Variants in NKAIN3 observed in about 807,000 individuals in gnomAD.
The protein encoded by NKAIN3 is sodium/potassium transporting ATPase interacting 3.
NKAIN3 carries 25 observed loss-of-function variants against 30.2 expected under a neutral mutation model. That is an observed-to-expected ratio of 0.83 (90% confidence interval 0.60 to 1.16). The LOEUF (loss-of-function observed/expected upper bound fraction) is 1.16. NKAIN3 is among the 50% of genes most tolerant of loss of function. The pLI, the probability that NKAIN3 is intolerant of heterozygous loss-of-function variation, is 0.00. For missense variants in NKAIN3, 225 were observed against 254.1 expected (o/e 0.89, Z 0.78); for synonymous variants, 91 against 89.6 (o/e 1.02, Z -0.09).
intron 3 of NKAIN3, among the ~76,000 whole-genome samples, chr8:62,626,295 G>T (rs1224535508): frequency 6.6e-6 from 1 of 152,116 alleles, no homozygotes; most frequent in African/African-American, 2.4e-5. Flanking sequence ...GGACTTATTT[G>T]TTCCTGACAT....
At chr8:62,725,374 T>C (rs1815221366) in intron 3 of NKAIN3, among the ~76,000 whole-genome samples, 1 of 152,174 alleles carries the variant, frequency 6.6e-6, no homozygotes. Flanking sequence ...CTTTTTAATT[T>C]GATATGATCC....
chr8:62,470,579 A>G (rs1004993200), intron 1 of NKAIN3, among the ~76,000 whole-genome samples: 2 of 152,182 alleles, frequency 1.3e-5, no homozygotes, highest in African/African-American at 4.8e-5. Flanking sequence ...TCACAAACTC[A>G]TGGATTGCAG....
chr8:62,529,720 CA>C (rs1407648451), intron 1 of NKAIN3, among the ~76,000 whole-genome samples: 1 of 152,058 alleles, frequency 6.6e-6, no homozygotes, highest in African/African-American at 2.4e-5. Context: ...CCACCCAGTA[CA>C]TGGTATTCTG....
intron 4 of NKAIN3, among the ~76,000 whole-genome samples, chr8:62,779,939 G>T (rs768616849): frequency 6.6e-6 from 1 of 151,874 alleles, no homozygotes; most frequent in Admixed American, 6.6e-5. Context: ...ACAGAGAAAA[G>T]AAATAATAAA....
intron 1 of NKAIN3, among the ~76,000 whole-genome samples, chr8:62,554,547 T>C (rs530318740): frequency 7.2e-5 from 11 of 152,324 alleles, no homozygotes; most frequent in African/African-American, 2.6e-4. Context: ...TAAGTTATTC[T>C]TTACATGGAT....
chr8:62,586,832 G>C (rs535182835), intron 2 of NKAIN3, among the ~76,000 whole-genome samples: 1 of 151,992 alleles, frequency 6.6e-6, no homozygotes, highest in South Asian at 2.1e-4. Context: ...TGTCTATGTG[G>C]ATCTGGATTT....
At chr8:62,928,372 T>A (rs573589716) in intron 5 of NKAIN3, among the ~76,000 whole-genome samples, 27 of 152,292 alleles carry the variant, frequency 1.8e-4, no homozygotes, top group African/African-American at 5.8e-4. Context: ...GTACAGAAAA[T>A]CTATATTAAA....
At chr8:62,423,977 A>G (rs1211270270) in intron 1 of NKAIN3, among the ~76,000 whole-genome samples, 1 of 151,950 alleles carries the variant, frequency 6.6e-6, no homozygotes, top group East Asian at 1.9e-4. Context: ...GTTTTTTTGT[A>G]TGAACACATC....
chr8:62,796,530 C>T (rs75891208), intron 4 of NKAIN3, among the ~76,000 whole-genome samples: 60 of 151,892 alleles, frequency 4.0e-4, no homozygotes, highest in African/African-American at 1.4e-3. Flanking sequence ...CATCTAATTG[C>T]AGGCAGCCAA....
At chr8:62,858,741 G>A (rs1055028692) in intron 4 of NKAIN3, among the ~76,000 whole-genome samples, 2 of 152,246 alleles carry the variant, frequency 1.3e-5, no homozygotes, top group Non-Finnish European at 2.9e-5. Flanking sequence ...AAACAGCAGA[G>A]ATGGCAGCCT....
At chr8:62,401,459 C>T (rs1803870500) in intron 1 of NKAIN3, among the ~76,000 whole-genome samples, 1 of 152,072 alleles carries the variant, frequency 6.6e-6, no homozygotes. Flanking sequence ...TTGGTGAATG[C>T]ATGTTTTACT....
intron 1 of NKAIN3, among the ~76,000 whole-genome samples, chr8:62,503,841 A>G (rs2129695203): frequency 6.6e-6 from 1 of 152,182 alleles, no homozygotes; most frequent in South Asian, 2.1e-4. Context: ...TTCATTTTCA[A>G]GGTGCACTGA....
chr8:62,277,397 C>T (rs145000770), intron 1 of NKAIN3, among the ~76,000 whole-genome samples: 90 of 152,054 alleles, frequency 5.9e-4, no homozygotes, highest in Non-Finnish European at 1.1e-3. Context: ...TGTAGGTGGA[C>T]GGGATTTATT....
rs149689613 is a variant in NKAIN3 at position 62,363,448 on chromosome 8, G to A, written c.54+114321G>A. ...CAACGTCTGAGACCCTGGACATTCC[G>A]CCTTTCTCCTCAACACACAGTTCTT... On this transcript the variant is annotated intron_variant, in intron 1 of 6. Coordinates refer to ENST00000623646, the MANE Select transcript of NKAIN3 (RefSeq NM_001304533.3). 1.8e-4 allele frequency among the ~76,000 whole-genome samples: 28 copies of A among 152,156 alleles called. No homozygotes were observed. In the East Asian group the frequency reaches 3.7e-3, roughly 20 times the overall value.
At chr8:62,652,523 T>A (rs1812654786) in intron 3 of NKAIN3, among the ~76,000 whole-genome samples, 1 of 152,182 alleles carries the variant, frequency 6.6e-6, no homozygotes, top group Non-Finnish European at 1.5e-5. Context: ...TTTTTCTTTA[T>A]TAGACATAAA....
intron 1 of NKAIN3, among the ~76,000 whole-genome samples, chr8:62,322,043 C>T (rs182065905): frequency 1.3e-5 from 2 of 152,312 alleles, no homozygotes; most frequent in East Asian, 1.9e-4. Context: ...CACCCCTCCC[C>T]CAGCCTCGCT....
chr8:62,365,313 A>G (rs946175769), intron 1 of NKAIN3, among the ~76,000 whole-genome samples: 2 of 152,166 alleles, frequency 1.3e-5, no homozygotes, highest in East Asian at 3.9e-4. Flanking sequence ...TATTTTTTCC[A>G]ATAATCTCTT....
At chr8:62,587,091 G>A (rs1353021927) in intron 2 of NKAIN3, among the ~76,000 whole-genome samples, 1 of 151,900 alleles carries the variant, frequency 6.6e-6, no homozygotes, top group Non-Finnish European at 1.5e-5. Flanking sequence ...AGGGAAGGTA[G>A]GCAGTCTCTT....
intron 3 of NKAIN3, among the ~76,000 whole-genome samples, chr8:62,629,869 T>G (rs1428399505): frequency 1.3e-5 from 2 of 152,130 alleles, no homozygotes; most frequent in Non-Finnish European, 2.9e-5. Context: ...AAGGTTTGAT[T>G]CATTATGGAT....
Sources: allele counts gnomAD v4.1 joint callset (sites outside exome capture counted in the v4.1 genomes callset), GRCh38; gene constraint gnomAD v4.1.1; transcripts MANE v1.5; gene names NCBI Gene and HGNC (gene_info 2026-07-23, HGNC 2026-07-21).